The following CAPN11 variants were observed in gnomAD, a reference collection of about 807,000 sequenced individuals.
CAPN11 encodes the protein calpain-11.
In CAPN11, 108 loss-of-function variants were observed where a neutral mutation model predicts 105.3. The observed-to-expected ratio is 1.03, with a 90% CI of 0.88 to 1.20. CAPN11 has a LOEUF of 1.20. Ranked by LOEUF, CAPN11 falls within the 50% of genes most tolerant of loss-of-function variation. CAPN11 has a pLI of 0.00. For synonymous variants in CAPN11, 329 were observed against 344.5 expected (o/e 0.96, Z 0.50); for missense variants, 883 against 924.8 (o/e 0.95, Z 0.59).
At chr6:44,169,555 G>T (rs1364332433) in intron 3 of CAPN11, 24 bp downstream of exon 3, 3 of 1,530,842 alleles carry the variant, frequency 2.0e-6, no homozygotes, top group Admixed American at 2.1e-5. Flanking sequence ...GGGAGGCATG[G>T]ACTCATGGAT....
intron 13 of CAPN11, 147 bp from the exon 14 acceptor site, chr6:44,179,805 T>C (rs1451392587): frequency 1.1e-6 from 1 of 882,152 alleles, no homozygotes; most frequent in Non-Finnish European, 1.9e-6. Flanking sequence ...CCTGTTGGAG[T>C]TGCGGGCCAC....
intron 9 of CAPN11, 98 bp from the exon 10 acceptor site, chr6:44,176,483 C>T (rs1772037369): frequency 7.5e-7 from 1 of 1,337,016 alleles, no homozygotes; most frequent in African/African-American, 1.4e-5. Flanking sequence ...CTCCGCACCC[C>T]AGCAGGCAGA....
rs1040798519 is a variant in CAPN11, at chr6:44,160,026, C to T, written c.16+1162C>T. On this transcript the variant is annotated intron_variant, in intron 1 of 22. Transcript: ENST00000398776. ...GCGGGCGCCTGTAATCCCAGCTACTCGGGAGGCTGAGGCAGGAGAATCTCT... is the reference window on the plus strand; with the variant it reads ...GCGGGCGCCTGTAATCCCAGCTACTTGGGAGGCTGAGGCAGGAGAATCTCT... 3.3e-5 allele frequency among the ~76,000 whole-genome samples: 5 copies of T among 151,674 alleles called. No homozygotes were observed. In the South Asian group the frequency reaches 1.0e-3, roughly 32 times the overall value.
rs1346044219 is a variant in CAPN11 at position 44,180,249 on chromosome 6, C to T, written c.1640+86C>T. The T allele has an allele frequency of 1.1e-5, 12 of 1,055,058 alleles. No homozygotes were observed. The Admixed American group carries it at 2.4e-4, about 21-fold the overall frequency. 65.4% of individuals were successfully genotyped at this position (1,055,058 alleles called of 1,614,324 possible). A position where few individuals can be genotyped will look rare whatever the true frequency, so the allele number is the denominator to read the frequency against. ...TCAGGGAGCTGCTGTCGGGTCCTCC[C>T]TCACTTTGTCCCTATTTTACAGTCA... On this transcript the variant is annotated intron_variant, in intron 14 of 22. Transcript: ENST00000398776.
In CAPN11 at chr6:44,176,296, A is replaced by G. The variant is rs757179446; in HGVS notation, c.959A>G (p.Asn320Ser). The change falls in exon 9 of 23, where the codon AAT becomes AGT. Residue 320 changes from asparagine to serine, a missense_variant. Physicochemically the swap from Asn to Ser is conservative, Grantham distance 46 (BLOSUM62 1). Coordinates refer to ENST00000398776, the MANE Select transcript of CAPN11 (RefSeq NM_007058.4). ...ATGGAAACACTGATTCGGGTCCGGAATCCCTGGGGCCGGATTGAGTGGAAT... is the reference window on the plus strand; with the variant it reads ...ATGGAAACACTGATTCGGGTCCGGAGTCCCTGGGGCCGGATTGAGTGGAAT... Reference protein sequence around the residue: ...GKMETLIRVRNPWGRIEWNGA... With the variant: ...GKMETLIRVRSPWGRIEWNGA... 2 of 1,613,986 alleles carry G rather than the reference A, an allele frequency of 1.2e-6. No individual in the cohort carries two copies. Among genetic ancestry groups the G allele is most frequent in the South Asian group, 1.1e-5 (1 of 91,088 alleles).
At chr6:44,177,062 G>A (rs1772180581) in intron 11 of CAPN11, 64 bp downstream of exon 11, 7 of 1,558,448 alleles carry the variant, frequency 4.5e-6, no homozygotes, top group Admixed American at 1.7e-5. Flanking sequence ...GGCTCACCAC[G>A]AAACCAGACC....
At chr6:44,159,337 G>A (rs1768284905) in intron 1 of CAPN11, among the ~76,000 whole-genome samples, 1 of 152,092 alleles carries the variant, frequency 6.6e-6, no homozygotes, top group African/African-American at 2.4e-5. Context: ...GGTGGCAGGG[G>A]CAGGACTACC....
At chr6:44,180,377 A>G (rs557249453) in intron 14 of CAPN11, 83 bp from the exon 15 acceptor site, 211 of 1,348,302 alleles carry the variant, frequency 1.6e-4, no homozygotes, top group Middle Eastern at 2.5e-4. Context: ...CTTCAAAGAC[A>G]TGACATGACC....
At chr6:44,181,574 C>CCACA (rs1246245984) in intron 19 of CAPN11, among the ~76,000 whole-genome samples, 55 of 4,918 alleles carry the variant, frequency 0.011, 5 homozygotes, top group African/African-American at 0.019. Context: ...CACAACCACA[C>CCACA]CACACATACA....
intron 4 of CAPN11, among the ~76,000 whole-genome samples, chr6:44,171,989 C>A (rs1216008045): frequency 6.6e-6 from 1 of 152,140 alleles, no homozygotes; most frequent in Non-Finnish European, 1.5e-5. Context: ...TCGCTCGAAC[C>A]CAGGAGGCAG....
chr6:44,176,336 C>A lies in CAPN11; in HGVS notation c.999C>A (p.Asp333Glu). The A allele has an allele frequency of 1.9e-6, 3 of 1,613,392 alleles. No individual in the cohort carries two copies. Among genetic ancestry groups the A allele is most frequent in the Non-Finnish European group, 2.5e-6 (3 of 1,179,402 alleles). ...GRIEWNGAWS[D>E]SAREWEEVAS... ...TTGAGTGGAATGGAGCTTGGAGTGA[C>A]AGGTAGGTGTCCCCAACCCAGGTGA... Residue 333 changes from aspartate to glutamate, a missense_variant and splice_region_variant, in exon 9 of 23, where the codon GAC (aspartate) becomes GAA (glutamate). Coordinates refer to ENST00000398776, the MANE Select transcript of CAPN11 (RefSeq NM_007058.4).
At chr6:44,172,882 C>G in intron 5 of CAPN11, 58 bp from the exon 6 acceptor site, 1 of 1,581,128 alleles carries the variant, frequency 6.3e-7, no homozygotes, top group Non-Finnish European at 8.6e-7. Context: ...GGTCTGGCCA[C>G]TAGGAGGCGC....
chr6:44,180,801 C>T lies in CAPN11; in HGVS notation c.1800C>T (p.Ile600=), dbSNP rs1433570132. Residue 600 remains isoleucine, a synonymous_variant, in exon 17 of 23, where the codon ATC becomes ATT. Transcript: ENST00000398776. The part of the protein sequence containing the change: ...ELQRLLNRMA[I]KFKSFKTKGF... ...AGAGGCTGCTCAACAGGATGGCCATCAAATGTGAGTCTTCCACTCCTGCTG... is the reference window on the plus strand; with the variant it reads ...AGAGGCTGCTCAACAGGATGGCCATTAAATGTGAGTCTTCCACTCCTGCTG... 1.2e-6 allele frequency: 2 copies of T among 1,613,486 alleles called. No individual in the cohort carries two copies. The highest frequency in any genetic ancestry group is 1.7e-6 in the Non-Finnish European group (2 of 1,179,668).
At chr6:44,172,466 G>A in intron 5 of CAPN11, 46 bp downstream of exon 5, 1 of 1,193,026 alleles carries the variant, frequency 8.4e-7, no homozygotes, top group Non-Finnish European at 1.2e-6. Flanking sequence ...GGGGGCGGGG[G>A]AAGAATCATA....
At position 44,177,298 on chromosome 6, in the gene CAPN11, G is replaced by A. The variant is rs565156456; in HGVS notation, c.1294G>A (p.Glu432Lys). 29 of 1,613,222 alleles carry A rather than the reference G, an allele frequency of 1.8e-5. No homozygotes were observed. In the Middle Eastern group the frequency reaches 6.6e-4, roughly 37 times the overall value. The stretch of plus-strand genomic sequence containing the variant: ...CTCTCTTCCTGAGGGGGATGACCCA[G>A]AGGATGACGCAGAGGGCAATGTTGT... ...KISLPEGDDP[E>K]DDAEGNVVVC... Residue 432 changes from glutamate (E) to lysine (K), a missense_variant, in exon 12 of 23, where the codon GAG becomes AAG. Coordinates refer to ENST00000398776, the MANE Select transcript of CAPN11 (RefSeq NM_007058.4).
intron 1 of CAPN11, among the ~76,000 whole-genome samples, chr6:44,162,491 CAG>C (rs1370393932): frequency 6.6e-6 from 1 of 151,694 alleles, no homozygotes; most frequent in Non-Finnish European, 1.5e-5. Context: ...TTAGAAGAGA[CAG>C]GGTTTGAGGA....
intron 4 of CAPN11, among the ~76,000 whole-genome samples, chr6:44,171,087 C>T (rs763272257): frequency 2.2e-4 from 33 of 152,230 alleles, no homozygotes; most frequent in African/African-American, 7.5e-4. Context: ...TTCACTTCTC[C>T]GAGGCACTCT....
intron 4 of CAPN11, among the ~76,000 whole-genome samples, chr6:44,171,927 G>T (rs143346258): frequency 7.9e-5 from 12 of 152,212 alleles, no homozygotes; most frequent in Admixed American, 7.9e-4. Flanking sequence ...TTAGCCAGGT[G>T]GGGTGGCGGG....
Position 44,180,024 on chromosome 6 carries a change from A to G in CAPN11, c.1501A>G (p.Ile501Val), listed in dbSNP as rs765010246. The G allele has an allele frequency of 5.6e-6, 9 of 1,613,582 alleles. No individual in the cohort carries two copies. In the African/African-American group the frequency reaches 1.2e-4, roughly 22 times the overall value. The change falls in exon 14 of 23, where the codon ATC becomes GTC. Residue 501 changes from isoleucine to valine, a missense_variant. Physicochemically the swap from Ile to Val is conservative, Grantham distance 29. Coordinates refer to ENST00000398776, the MANE Select transcript of CAPN11 (RefSeq NM_007058.4). ...GTATCAGGACCACGGCTTCTCAGAG[A>G]TCTTCACCAACTCACGGGAGGTGAG... Reference protein sequence around the residue: ...TKYQDHGFSEIFTNSREVSSQ... With the variant: ...TKYQDHGFSEVFTNSREVSSQ...
Sources: allele counts gnomAD v4.1 joint callset (sites outside exome capture counted in the v4.1 genomes callset), GRCh38; gene constraint gnomAD v4.1.1; transcripts MANE v1.5; gene names NCBI Gene and HGNC (gene_info 2026-07-23, HGNC 2026-07-21).